The following CELF2 variants were observed in gnomAD, a reference collection of about 807,000 sequenced individuals.
CELF2 encodes the protein CUG triplet repeat RNA-binding protein 2.
In CELF2, 8 loss-of-function variants were observed where a neutral mutation model predicts 62.6. The ratio of observed to expected loss-of-function variants is 0.13; its 90% confidence interval spans 0.07 to 0.23. CELF2 has a LOEUF of 0.23. Ranked by LOEUF, CELF2 falls within the 10% of genes least tolerant of loss-of-function variation. CELF2 has a pLI of 1.00. For missense variants in CELF2, 333 were observed against 671.0 expected, an observed-to-expected ratio of 0.50 and a Z score of 5.56; for synonymous variants, 258 against 250.0, an observed-to-expected ratio of 1.03 and a Z score of -0.30.
At position 11,259,581 on chromosome 10, in the gene CELF2, G is replaced by A. The variant is rs993541788; in HGVS notation, c.538+1709G>A. Among the ~76,000 whole-genome samples the A allele has an allele frequency of 2.0e-5, 3 of 152,192 alleles. 1 individual carries two copies. The highest frequency in any genetic ancestry group is 2.0e-4 in the Admixed American group (3 of 15,276). On this transcript the variant is annotated intron_variant, in intron 5 of 12. Coordinates refer to ENST00000633077, the MANE Select transcript of CELF2 (RefSeq NM_001326342.2). ...GTGTGATCCTGGAATAGCAGATCCAGTATCCGGGGCTCCTCTGCGGTTTTT... is the reference window on the plus strand; with the variant it reads ...GTGTGATCCTGGAATAGCAGATCCAATATCCGGGGCTCCTCTGCGGTTTTT...
chr10:11,234,923 A>T (rs139722414), intron 3 of CELF2, among the ~76,000 whole-genome samples: 21 of 152,186 alleles, frequency 1.4e-4, no homozygotes, highest in African/African-American at 5.1e-4. Flanking sequence ...GTCACTTTAC[A>T]TTTTACTGTG....
chr10:10,605,656 T>C, the CELF2 span, among the ~76,000 whole-genome samples: 1 of 152,208 alleles, frequency 6.6e-6, no homozygotes, highest in Admixed American at 6.5e-5. Context: ...TTTGATCCCA[T>C]TGTATATGCA....
chr10:11,002,111 T>A (rs1391219351), upstream of CELF2, among the ~76,000 whole-genome samples: 1 of 152,212 alleles, frequency 6.6e-6, no homozygotes, highest in African/African-American at 2.4e-5. The surrounding 1 kb of genome is among the most constrained non-coding windows in gnomAD (Gnocchi z 4.4). Context: ...CACAGTTCCA[T>A]GTGGCTGGAC....
chr10:10,513,353 T>C, the CELF2 span, among the ~76,000 whole-genome samples: 4 of 152,176 alleles, frequency 2.6e-5, no homozygotes, highest in East Asian at 5.8e-4. Context: ...GAGCAGTACT[T>C]CTTGTATCCT....
chr10:10,647,844 G>A, the CELF2 span, among the ~76,000 whole-genome samples: 4 of 152,032 alleles, frequency 2.6e-5, no homozygotes, highest in Admixed American at 6.6e-5. Context: ...GCCTGTCATC[G>A]CAGTTTAGAA....
the CELF2 span, among the ~76,000 whole-genome samples, chr10:10,682,345 C>G: frequency 6.6e-6 from 1 of 152,198 alleles, no homozygotes; most frequent in African/African-American, 2.4e-5. Flanking sequence ...TTACCCATTG[C>G]TTCACCGTTT....
intron 1 of CELF2, among the ~76,000 whole-genome samples, chr10:10,870,887 T>A (rs1257977048): frequency 2.6e-5 from 4 of 152,190 alleles, no homozygotes; most frequent in Non-Finnish European, 1.5e-5. Flanking sequence ...TATATCTTAG[T>A]TGCCTCCAGC....
At chr10:10,765,067 G>T in the CELF2 span, among the ~76,000 whole-genome samples, 1 of 152,322 alleles carries the variant, frequency 6.6e-6, no homozygotes, top group South Asian at 2.1e-4. Context: ...CTTTGGGGGT[G>T]GAGGGTCACC....
intron 3 of CELF2, among the ~76,000 whole-genome samples, chr10:11,230,648 A>ATCC (rs1275708429): frequency 2.6e-5 from 4 of 152,242 alleles, no homozygotes; most frequent in African/African-American, 9.6e-5. Flanking sequence ...TTTTTCCAGC[A>ATCC]TCCTTGAATG....
In CELF2 at chr10:11,165,281, C is replaced by G; in HGVS notation, c.75-205C>G. On this transcript the variant is annotated intron_variant, in intron 1 of 12. Coordinates refer to ENST00000633077, the MANE Select transcript of CELF2 (RefSeq NM_001326342.2). This position sits in a 1 kb window ranked among gnomAD's most constrained non-coding sequence, Gnocchi z 7.4. The stretch of plus-strand genomic sequence containing the variant: ...CCCGGCTCTGCTCGACAGCAGCACG[C>G]AGTGAGAGCCTCGCCGCCGCCGAGG... 7.2e-7 allele frequency: 1 copy of G among 1,393,702 alleles called. No individual in the cohort carries two copies. Among genetic ancestry groups the G allele is most frequent in the African/African-American group, 1.5e-5 (1 of 68,406 alleles). 86.3% of individuals were successfully genotyped at this position (1,393,702 alleles called of 1,614,324 possible).
chr10:10,613,796 G>T, the CELF2 span, among the ~76,000 whole-genome samples: 2 of 152,044 alleles, frequency 1.3e-5, no homozygotes, highest in African/African-American at 4.8e-5. Context: ...GTAACACAGG[G>T]GTATGATTAT....
the CELF2 span, among the ~76,000 whole-genome samples, chr10:10,508,837 A>G: frequency 1.6e-4 from 24 of 151,726 alleles, no homozygotes; most frequent in African/African-American, 4.8e-4. Flanking sequence ...CACCATGCCC[A>G]GCTAATTTTT....
chr10:10,653,578 C>T, the CELF2 span, among the ~76,000 whole-genome samples: 2 of 129,984 alleles, frequency 1.5e-5, no homozygotes, highest in South Asian at 3.4e-4. Context: ...CAAAACCGCT[C>T]AACTACATGG....
At chr10:10,898,194 A>G (rs2062696309) in intron 1 of CELF2, among the ~76,000 whole-genome samples, 1 of 152,218 alleles carries the variant, frequency 6.6e-6, no homozygotes, top group African/African-American at 2.4e-5. Flanking sequence ...GTTTTCTAGT[A>G]TCACAGGTCC....
chr10:10,837,374 C>T (rs764620140), intron 1 of CELF2, among the ~76,000 whole-genome samples: 46 of 152,198 alleles, frequency 3.0e-4, no homozygotes, highest in Non-Finnish European at 5.3e-4. Flanking sequence ...TCCCCAGCCT[C>T]GTGGAACTAT....
intron 1 of CELF2, among the ~76,000 whole-genome samples, chr10:10,820,800 A>G (rs1406555207): frequency 6.6e-6 from 1 of 152,232 alleles, no homozygotes; most frequent in East Asian, 1.9e-4. Context: ...TTGTTCTCTC[A>G]TTGTAAGAGC....
chr10:11,143,470 C>T lies in CELF2; in HGVS notation c.75-22016C>T, dbSNP rs558324431. Among the ~76,000 whole-genome samples, 8 of 152,326 alleles carry T rather than the reference C, an allele frequency of 5.3e-5. No individual in the cohort carries two copies. In the South Asian group the frequency reaches 1.2e-3, roughly 24 times the overall value. On this transcript the variant is annotated intron_variant, in intron 1 of 12. Coordinates refer to ENST00000633077, the MANE Select transcript of CELF2 (RefSeq NM_001326342.2). ...TCAAGTTCCGGTTTTGTCTGACTGA[C>T]GGACCCTTCCAGGCCAGACAGTTGC... is the stretch of plus-strand genomic sequence containing the variant.
intron 1 of CELF2, among the ~76,000 whole-genome samples, chr10:10,915,728 C>G (rs1396256613): frequency 2.6e-5 from 4 of 152,204 alleles, no homozygotes; most frequent in Non-Finnish European, 5.9e-5. Flanking sequence ...AGCCACGGCA[C>G]CCGGCCCTTA....
chr10:10,709,313 C>A, the CELF2 span, among the ~76,000 whole-genome samples: 1 of 152,218 alleles, frequency 6.6e-6, no homozygotes, highest in Admixed American at 6.5e-5. Flanking sequence ...ATGGGGACTT[C>A]TTTCAAAAGA....
Sources: gnomAD v4.1 joint callset for allele counts (sites outside exome capture counted in the v4.1 genomes callset) on GRCh38, gnomAD v4.1.1 for gene constraint, Gnocchi (gnomAD v3.1) non-coding constraint, MANE v1.5 for transcripts, NCBI Gene and HGNC (gene_info 2026-07-23, HGNC 2026-07-21) for gene names.